Variants in ARPP21 observed in about 807,000 individuals in gnomAD.
The protein encoded by ARPP21 is cAMP regulated phosphoprotein 21.
A neutral mutation model predicts 113.2 loss-of-function variants in ARPP21; 69 were observed. That is an observed-to-expected ratio of 0.61 (90% CI 0.50 to 0.74). The LOEUF is 0.74. Among genes scored for constraint, ARPP21 ranks in the 30% least tolerant of loss-of-function variants. The probability of loss-of-function intolerance (pLI) is 0.00; values close to 1 mark genes in which losing one functional copy is unlikely to be tolerated. For missense variants in ARPP21, 1,070 were observed against 1,037.4 expected (o/e 1.03, Z -0.43); for synonymous variants, 368 against 375.5 (o/e 0.98, Z 0.23).
intron 1 of ARPP21, among the ~76,000 whole-genome samples, chr3:35,642,676 T>C (rs1698552777): frequency 6.6e-6 from 1 of 152,140 alleles, no homozygotes; most frequent in South Asian, 2.1e-4. Context: ...TAATTTCAAA[T>C]TCCTAAAATA....
At position 35,739,533 on chromosome 3, in the gene ARPP21, C is replaced by A; in HGVS notation, c.1966C>A (p.Pro656Thr). Residue 656 changes from proline (P) to threonine (T), a missense_variant, in exon 18 of 21, where the codon CCT (proline) becomes ACT (threonine). Physicochemically the swap from Pro to Thr is conservative, Grantham distance 38 (BLOSUM62 -1). Transcript: ENST00000684406. ...PPISQQVLQP[P>T]PSPQGFVQQP... ...CATCTCCCAGCAGGTCCTCCAGCCC[C>A]CTCCCTCACCACAGGGATTTGTGCA... 1 of 1,614,014 alleles carries A rather than the reference C, an allele frequency of 6.2e-7. No homozygotes were observed. Among genetic ancestry groups the A allele is most frequent in the Non-Finnish European group, 8.5e-7 (1 of 1,179,934 alleles).
chr3:35,707,102 A>T lies in ARPP21; in HGVS notation c.795+20A>T. 4 of 1,574,518 alleles carry T rather than the reference A, an allele frequency of 2.5e-6. No homozygotes were observed. The highest frequency in any genetic ancestry group is 3.5e-6 in the Non-Finnish European group (4 of 1,146,288). On this transcript the variant is annotated intron_variant, in intron 10 of 20. Transcript: ENST00000684406. Reference sequence around the variant, plus strand: ...AATCAGGTTGGTTCTCAAGTTTGAGAGTGGCTGACATTGTTGTTTTTGAAG... The same window carrying T: ...AATCAGGTTGGTTCTCAAGTTTGAGTGTGGCTGACATTGTTGTTTTTGAAG...
rs2093779612 is a variant in ARPP21, at chr3:35,729,312, C to G, written c.1235C>G (p.Ser412Cys). The G allele has an allele frequency of 6.2e-7, 1 of 1,613,506 alleles. No individual in the cohort carries two copies. The highest frequency in any genetic ancestry group is 1.3e-5 in the African/African-American group (1 of 74,920). Residue 412 changes from serine (S) to cysteine (C), a missense_variant, in exon 15 of 21, where the codon TCT (serine) becomes TGT (cysteine). Coordinates refer to ENST00000684406, the MANE Select transcript of ARPP21 (RefSeq NM_001385562.1). Reference protein sequence around the residue: ...TGKLSKAGSESSSSAGSSGSL... With the variant: ...TGKLSKAGSECSSSAGSSGSL... ...TGTATCCCTATGCCAGGTTCCGAGT[C>G]TTCCAGCAGTGCAGGCTCCTCAGGA...
At chr3:35,744,037 T>C in intron 19 of ARPP21, 72 bp downstream of exon 19, 2 of 1,531,480 alleles carry the variant, frequency 1.3e-6, no homozygotes, top group African/African-American at 1.4e-5. Context: ...ACTCTTTGGA[T>C]GAGTGTCCAA....
chr3:35,717,415 T>A (rs546412354), intron 13 of ARPP21, 58 bp downstream of exon 13: 1 of 1,018,282 alleles, frequency 9.8e-7, no homozygotes, highest in Non-Finnish European at 1.6e-6. Flanking sequence ...GTAGAATCAA[T>A]GTTAAATATT....
chr3:35,668,615 T>A (rs1256174438), intron 1 of ARPP21, among the ~76,000 whole-genome samples: 2 of 152,174 alleles, frequency 1.3e-5, no homozygotes, highest in African/African-American at 2.4e-5. Flanking sequence ...TCTGCCGTTT[T>A]TACATTTGCA....
At chr3:35,682,179 C>A (rs2079107418) in intron 3 of ARPP21, among the ~76,000 whole-genome samples, 1 of 151,858 alleles carries the variant, frequency 6.6e-6, no homozygotes. Flanking sequence ...TCTCCCAAGG[C>A]AGCTTTAGAC....
chr3:35,639,191 C>T (rs1190283122), upstream of ARPP21, among the ~76,000 whole-genome samples: 1 of 152,096 alleles, frequency 6.6e-6, no homozygotes, highest in East Asian at 1.9e-4. This position sits in a 1 kb window ranked among gnomAD's most constrained non-coding sequence, Gnocchi z 5.0. Context: ...TGTCTCCAGC[C>T]TTAGGGCTGG....
chr3:35,724,098 G>T (rs530364101), intron 14 of ARPP21, among the ~76,000 whole-genome samples: 4 of 152,154 alleles, frequency 2.6e-5, no homozygotes, highest in Non-Finnish European at 4.4e-5. Flanking sequence ...TAATTACATA[G>T]ATTCTAGCTT....
At chr3:35,666,674 AT>A in intron 1 of ARPP21, among the ~76,000 whole-genome samples, 1 of 152,132 alleles carries the variant, frequency 6.6e-6, no homozygotes, top group South Asian at 2.1e-4. Flanking sequence ...TTTATTAACA[AT>A]TTTTCCATTA....
chr3:35,753,041 A>AGTGTGTGTGT lies in ARPP21; in HGVS notation c.2137+9101_2137+9110dup, dbSNP rs3086930. Among the ~76,000 whole-genome samples the AGTGTGTGTGT allele has an allele frequency of 7.6e-3, 1,100 of 144,048 alleles. 17 individuals carry two copies. Among genetic ancestry groups the AGTGTGTGTGT allele is most frequent in the African/African-American group, 0.025 (992 of 39,418 alleles). 94.5% of individuals were successfully genotyped at this position (144,048 alleles called of 152,430 possible). ...CTATTTTCACTTTGGTATGGCAGGA[A>AGTGTGTGTGT]GTGTGTGTGTGTGTGTGTGTGTGTG... On this transcript the variant is annotated intron_variant, in intron 19 of 20. Transcript: ENST00000684406.
At chr3:35,762,917 G>A (rs1243493678) in intron 19 of ARPP21, among the ~76,000 whole-genome samples, 1 of 152,052 alleles carries the variant, frequency 6.6e-6, no homozygotes, top group African/African-American at 2.4e-5. Context: ...CCATTTCTCT[G>A]CTGTCCCTCA....
chr3:35,651,661 C>T (rs894051175), intron 1 of ARPP21: 4 of 152,024 alleles, frequency 2.6e-5, no homozygotes, highest in African/African-American at 9.7e-5. Context: ...TCAGCTGTTT[C>T]ATTTCTAAAA....
chr3:35,705,962 G>A (rs1044231840), intron 9 of ARPP21, among the ~76,000 whole-genome samples: 7 of 152,178 alleles, frequency 4.6e-5, no homozygotes, highest in African/African-American at 1.2e-4. Context: ...TTTGGAGCTC[G>A]GAGCAAATGA....
chr3:35,711,468 ATACCACTGGTATTTTC>A (rs1463783945), intron 11 of ARPP21, among the ~76,000 whole-genome samples: 1 of 152,234 alleles, frequency 6.6e-6, no homozygotes, highest in Non-Finnish European at 1.5e-5. Flanking sequence ...ATATGCAATC[ATACCACTGGTATTTTC>A]TATGTGTTAG....
At chr3:35,761,075 C>A (rs2095757380) in intron 19 of ARPP21, among the ~76,000 whole-genome samples, 1 of 152,104 alleles carries the variant, frequency 6.6e-6, no homozygotes, top group African/African-American at 2.4e-5. Flanking sequence ...AGAACCACTG[C>A]CCTAAAGCTA....
intron 1 of ARPP21, among the ~76,000 whole-genome samples, chr3:35,678,654 CA>C (rs1194216858): frequency 6.6e-6 from 1 of 151,834 alleles, no homozygotes; most frequent in Non-Finnish European, 1.5e-5. Flanking sequence ...GCATTTTCAA[CA>C]GTTGCTTTCC....
intron 19 of ARPP21, among the ~76,000 whole-genome samples, chr3:35,772,876 G>A (rs980159645): frequency 3.9e-5 from 6 of 152,130 alleles, no homozygotes; most frequent in African/African-American, 1.4e-4. Flanking sequence ...GTCTGGATCA[G>A]CTGCTCTTAC....
intron 1 of ARPP21, among the ~76,000 whole-genome samples, chr3:35,673,809 TG>T (rs759677856): frequency 1.3e-5 from 2 of 151,988 alleles, no homozygotes; most frequent in Non-Finnish European, 2.9e-5. Context: ...TCATTGTTTT[TG>T]AAATGACAGA....
Sources: gnomAD v4.1 joint callset for allele counts (sites outside exome capture counted in the v4.1 genomes callset) on GRCh38, gnomAD v4.1.1 for gene constraint, Gnocchi (gnomAD v3.1) non-coding constraint, MANE v1.5 for transcripts, NCBI Gene and HGNC (gene_info 2026-07-23, HGNC 2026-07-21) for gene names.